The following SAMD8 variants were observed in gnomAD, a reference collection of about 807,000 sequenced individuals.
The protein encoded by SAMD8 is sphingomyelin synthase-related protein 1.
SAMD8 carries 20 observed loss-of-function variants against 42.0 expected under a neutral mutation model. The observed-to-expected ratio is 0.48, with a 90% CI of 0.34 to 0.69. The LOEUF is 0.69. Ranked by LOEUF, SAMD8 falls within the 30% of genes least tolerant of loss-of-function variation. SAMD8 has a pLI of 0.01. For missense variants in SAMD8, 328 were observed against 511.6 expected (o/e 0.64, Z 3.46); for synonymous variants, 162 against 173.0 (o/e 0.94, Z 0.50).
chr10:75,108,984 T>C (rs1283574881), upstream of SAMD8: 1 of 1,579,974 alleles, frequency 6.3e-7, no homozygotes, highest in Non-Finnish European at 8.6e-7. Context: ...CCCACCCCCA[T>C]GCCCCTTGGC....
At chr10:75,153,838 C>T (rs1349453827) in intron 2 of SAMD8, among the ~76,000 whole-genome samples, 1 of 151,336 alleles carries the variant, frequency 6.6e-6, no homozygotes, top group Non-Finnish European at 1.5e-5. Flanking sequence ...AATCTCGGCT[C>T]ACTGCAACCT....
chr10:75,151,924 G>C (rs1429385330), intron 2 of SAMD8, among the ~76,000 whole-genome samples: 1 of 152,008 alleles, frequency 6.6e-6, no homozygotes, highest in Non-Finnish European at 1.5e-5. Flanking sequence ...CCTGACTTCA[G>C]GCAGTCCGCC....
At chr10:75,101,995 G>A (rs373919557) in intron 1 of SAMD8, 28 of 1,349,794 alleles carry the variant, frequency 2.1e-5, no homozygotes, top group South Asian at 5.7e-5. Flanking sequence ...TATAAAGCAT[G>A]CTGTCTACTC....
chr10:75,119,803 C>T (rs1304439257), intron 1 of SAMD8, among the ~76,000 whole-genome samples: 3 of 152,206 alleles, frequency 2.0e-5, no homozygotes, highest in Non-Finnish European at 2.9e-5. Context: ...CGGTGACTCA[C>T]TCCTGTAATC....
At chr10:75,151,771 C>T (rs578080018) in intron 2 of SAMD8, among the ~76,000 whole-genome samples, 4 of 152,318 alleles carry the variant, frequency 2.6e-5, no homozygotes, top group African/African-American at 9.6e-5. Flanking sequence ...ACTGCAACCT[C>T]CACCTCCCTG....
chr10:75,171,062 T>G (rs1007715889), intron 4 of SAMD8, among the ~76,000 whole-genome samples: 51 of 150,468 alleles, frequency 3.4e-4, no homozygotes, highest in African/African-American at 1.2e-3. Context: ...CGCCTGGCCC[T>G]CATATAAGTT....
intron 1 of SAMD8, among the ~76,000 whole-genome samples, chr10:75,128,288 G>T (rs1317622433): frequency 6.6e-6 from 1 of 152,086 alleles, no homozygotes; most frequent in South Asian, 2.1e-4. Flanking sequence ...GGCTAGGCTG[G>T]TCTGGAACTC....
chr10:75,178,608 A>G lies in SAMD8; in HGVS notation c.*1916A>G, dbSNP rs2132225675. On this transcript the variant is annotated 3_prime_UTR_variant, in exon 6 of 6. Transcript: ENST00000542569. ...GCCGAGTGCAGTGGTGCAAGGCTAT[A>G]GTCCCAGGTTCTGAGGAGGCTGAGG... 1 of 152,384 alleles carries G rather than the reference A, an allele frequency of 6.6e-6. No homozygotes were observed. Among genetic ancestry groups the G allele is most frequent in the East Asian group, 1.9e-4 (1 of 5,184 alleles). 9.4% of individuals were successfully genotyped at this position (152,384 alleles called of 1,614,324 possible). A position where few individuals can be genotyped will look rare whatever the true frequency, so the allele number is the denominator to read the frequency against.
At chr10:75,109,086 C>T (rs1362744185), upstream of SAMD8, 1 of 1,612,384 alleles carries the variant, frequency 6.2e-7, no homozygotes, top group Non-Finnish European at 8.5e-7. Context: ...GGAGCTCCTC[C>T]AGCTCCAGGA....
upstream of SAMD8, among the ~76,000 whole-genome samples, chr10:75,110,753 CA>C (rs1290066491): frequency 6.6e-6 from 1 of 152,150 alleles, no homozygotes; most frequent in East Asian, 1.9e-4. Context: ...TATCAGTTTG[CA>C]ATATGTCAGG....
chr10:75,127,957 G>A (rs1229154149), intron 1 of SAMD8, among the ~76,000 whole-genome samples: 3 of 151,794 alleles, frequency 2.0e-5, no homozygotes, highest in East Asian at 3.9e-4. Context: ...ACCCTTTACC[G>A]GTCTTTACTG....
rs764642703 is a variant in SAMD8 at position 75,150,927 on chromosome 10, C to T, written c.399C>T (p.Tyr133=). ...ITDLNSDQYQ[Y]MNGKNKHSVR... ...ACTTGAATTCTGATCAGTACCAGTA[C>T]ATGAATGGTAAAAACAAACATTCTG... The change falls in exon 2 of 6, where the codon TAC becomes TAT. Residue 133 remains tyrosine (Y), a synonymous_variant. Coordinates refer to ENST00000542569, the MANE Select transcript of SAMD8 (RefSeq NM_001174156.2). 8.1e-6 allele frequency: 13 copies of T among 1,612,728 alleles called. No individual in the cohort carries two copies. The highest frequency in any genetic ancestry group is 4.2e-6 in the Non-Finnish European group (5 of 1,179,390).
chr10:75,105,607 C>T (rs1006720318), intron 1 of SAMD8: 2 of 1,480,108 alleles, frequency 1.4e-6, no homozygotes, highest in Non-Finnish European at 1.8e-6. Flanking sequence ...AGCCTAGGCC[C>T]TCACCTGGCC....
chr10:75,139,360 T>G (rs1839965664), intron 1 of SAMD8, among the ~76,000 whole-genome samples: 1 of 152,310 alleles, frequency 6.6e-6, no homozygotes, highest in East Asian at 1.9e-4. Flanking sequence ...AAATCAGATT[T>G]GTTGATACAG....
upstream of SAMD8, among the ~76,000 whole-genome samples, chr10:75,111,015 C>T (rs186927252): frequency 4.6e-5 from 7 of 152,260 alleles, no homozygotes; most frequent in Admixed American, 3.9e-4. Flanking sequence ...GAGGTTTCCC[C>T]ATGCTGGCCA....
intron 4 of SAMD8, 52 bp downstream of exon 4, chr10:75,168,710 C>A: frequency 9.0e-7 from 1 of 1,117,018 alleles, no homozygotes; most frequent in Non-Finnish European, 1.4e-6. Flanking sequence ...TGATGGCACA[C>A]TATATGCAAT....
At chr10:75,108,376 C>T, upstream of SAMD8, 2 of 1,308,660 alleles carry the variant, frequency 1.5e-6, no homozygotes, top group Admixed American at 3.1e-5. Context: ...ACCCAGAGCC[C>T]CGCACTTTCT....
At chr10:75,142,500 G>A (rs1293260072) in intron 1 of SAMD8, among the ~76,000 whole-genome samples, 1 of 151,920 alleles carries the variant, frequency 6.6e-6, no homozygotes, top group African/African-American at 2.4e-5. Flanking sequence ...GCAGTGGCAC[G>A]ATCTTGGCTC....
At chr10:75,135,578 C>T (rs1238069360) in intron 1 of SAMD8, among the ~76,000 whole-genome samples, 1 of 151,998 alleles carries the variant, frequency 6.6e-6, no homozygotes, top group East Asian at 1.9e-4. Flanking sequence ...GTAATCCCAG[C>T]ACTTTGGGAG....
Sources: allele counts gnomAD v4.1 joint callset (sites outside exome capture counted in the v4.1 genomes callset), GRCh38; gene constraint gnomAD v4.1.1; transcripts MANE v1.5; gene names NCBI Gene and HGNC (gene_info 2026-07-23, HGNC 2026-07-21).